The following PRKN variants were observed in gnomAD, a reference collection of about 807,000 sequenced individuals.
The protein encoded by PRKN is E3 ubiquitin-protein ligase parkin.
PRKN carries 56 observed loss-of-function variants against 59.5 expected under a neutral mutation model. The ratio of observed to expected loss-of-function variants is 0.94; its 90% CI spans 0.76 to 1.18. The LOEUF (loss-of-function observed/expected upper bound fraction) is 1.18, where lower values mean the gene tolerates loss of function less well. PRKN is among the 50% of genes most tolerant of loss of function. PRKN has a pLI of 0.00. For missense variants in PRKN, 657 were observed against 596.4 expected (o/e 1.10, Z -1.06); for synonymous variants, 250 against 222.1 (o/e 1.13, Z -1.12).
chr6:161,897,914 C>T (rs1323738708), intron 6 of PRKN, among the ~76,000 whole-genome samples: 3 of 125,204 alleles, frequency 2.4e-5, no homozygotes, highest in South Asian at 5.2e-4. Flanking sequence ...TTGCAGTGAG[C>T]TGAGATCGCG....
intron 3 of PRKN, among the ~76,000 whole-genome samples, chr6:162,241,012 C>T (rs575793154): frequency 1.8e-4 from 28 of 152,198 alleles, no homozygotes; most frequent in Non-Finnish European, 3.5e-4. Context: ...TACTCTAAAG[C>T]AGATTTGGAG....
chr6:162,658,735 G>A (rs1357397886), intron 1 of PRKN, among the ~76,000 whole-genome samples: 2 of 149,598 alleles, frequency 1.3e-5, no homozygotes, highest in Admixed American at 6.7e-5. Context: ...GAAATAGCCT[G>A]AAGATCTGAA....
intron 2 of PRKN, among the ~76,000 whole-genome samples, chr6:162,264,077 C>T (rs1174150055): frequency 6.6e-6 from 1 of 151,916 alleles, no homozygotes; most frequent in Non-Finnish European, 1.5e-5. Context: ...AGTTTGTGAC[C>T]AGCCAGGGCA....
intron 2 of PRKN, among the ~76,000 whole-genome samples, chr6:162,327,856 G>A (rs1437250368): frequency 2.6e-5 from 4 of 152,136 alleles, no homozygotes; most frequent in African/African-American, 9.7e-5. Context: ...GATGGGCCAA[G>A]GGAACACGAA....
chr6:162,347,094 A>T (rs1353399230), intron 2 of PRKN, among the ~76,000 whole-genome samples: 2 of 150,530 alleles, frequency 1.3e-5, no homozygotes, highest in African/African-American at 2.4e-5. Flanking sequence ...GCAAACTATT[A>T]TATTTATTAT....
chr6:161,978,699 A>C (rs1781145670), intron 5 of PRKN, among the ~76,000 whole-genome samples: 1 of 152,284 alleles, frequency 6.6e-6, no homozygotes, highest in South Asian at 2.1e-4. Flanking sequence ...CTGTGAGGTC[A>C]CTGGGGCATA....
intron 5 of PRKN, among the ~76,000 whole-genome samples, chr6:162,047,092 T>C (rs9365363): frequency 0.38 from 57,593 of 151,960 alleles, 11,742 homozygotes; most frequent in East Asian, 0.62. Context: ...CATTCAATCA[T>C]AATCTGAGTT....
At chr6:161,889,591 C>T (rs1203549520) in intron 6 of PRKN, among the ~76,000 whole-genome samples, 1 of 152,202 alleles carries the variant, frequency 6.6e-6, no homozygotes, top group Admixed American at 6.5e-5. Context: ...GACGACACAG[C>T]CACAGCTGCA....
rs1304184819 is a variant in PRKN, at chr6:161,402,492, G to A, written c.1084-15615C>T. ...CCTCTCTACTAATAAATAGCTTTTT[G>A]GTCCCATAACATGAGAGACATTCTG... On this transcript the variant is annotated intron_variant, in intron 9 of 11. Coordinates refer to ENST00000366898, the MANE Select transcript of PRKN (RefSeq NM_004562.3). This position sits in a 1 kb window ranked among gnomAD's most constrained non-coding sequence, Gnocchi z 4.5. Among the ~76,000 whole-genome samples the A allele has an allele frequency of 6.6e-6, 1 of 152,044 alleles. No individual in the cohort carries two copies. The highest frequency in any genetic ancestry group is 1.5e-5 in the Non-Finnish European group (1 of 68,014).
intron 1 of PRKN, among the ~76,000 whole-genome samples, chr6:162,704,496 G>T (rs187310932): frequency 1.2e-4 from 19 of 152,276 alleles, no homozygotes; most frequent in Non-Finnish European, 2.8e-4. Context: ...TCTATTAGGT[G>T]TACTTAAACT....
At chr6:162,611,124 C>T (rs984109636) in intron 1 of PRKN, among the ~76,000 whole-genome samples, 20 of 152,074 alleles carry the variant, frequency 1.3e-4, no homozygotes, top group African/African-American at 4.8e-4. Flanking sequence ...AGGAACTATA[C>T]AATTGCTTAA....
intron 1 of PRKN, among the ~76,000 whole-genome samples, chr6:162,582,150 A>T (rs1208524223): frequency 1.3e-5 from 2 of 152,214 alleles, no homozygotes; most frequent in African/African-American, 4.8e-5. Context: ...AGCATTTCAC[A>T]CATTACATAT....
In PRKN at chr6:162,650,403, C is replaced by T. The variant is rs1023106710; in HGVS notation, c.7+77259G>A. On this transcript the variant is annotated intron_variant, in intron 1 of 11. Transcript: ENST00000366898. ...ACGAGGTCAGGAGATCGAGACCATCCCGGCTAAAAACGGTGAAACCCCGTC... is the reference window on the plus strand; with the variant it reads ...ACGAGGTCAGGAGATCGAGACCATCTCGGCTAAAAACGGTGAAACCCCGTC... 4.6e-5 allele frequency among the ~76,000 whole-genome samples: 7 copies of T among 151,826 alleles called. No homozygotes were observed. The East Asian group carries it at 9.8e-4, about 21-fold the overall frequency.
chr6:162,379,425 G>A (rs916911962), intron 2 of PRKN, among the ~76,000 whole-genome samples: 2 of 152,134 alleles, frequency 1.3e-5, no homozygotes, highest in African/African-American at 4.8e-5. Context: ...GAGGAGATTA[G>A]AAGGGGTAAG....
intron 1 of PRKN, among the ~76,000 whole-genome samples, chr6:162,596,248 TTTTC>T (rs1295165699): frequency 1.3e-5 from 2 of 152,198 alleles, no homozygotes; most frequent in Non-Finnish European, 2.9e-5. Flanking sequence ...GTTTATCAAT[TTTTC>T]TTTTTCTTTT....
At chr6:162,413,706 AT>A (rs1788467829) in intron 2 of PRKN, among the ~76,000 whole-genome samples, 1 of 152,178 alleles carries the variant, frequency 6.6e-6, no homozygotes, top group African/African-American at 2.4e-5. Flanking sequence ...AAGTTTCAAC[AT>A]TTCCAGTCAT....
In PRKN at chr6:161,872,961, C is replaced by CTTTTT. The variant is rs112827816; in HGVS notation, c.735-87058_735-87054dup. Among the ~76,000 whole-genome samples the CTTTTT allele has an allele frequency of 4.0e-3, 558 of 139,580 alleles. 1 individual carries two copies. Among genetic ancestry groups the CTTTTT allele is most frequent in the Non-Finnish European group, 5.8e-3 (384 of 65,992 alleles). The allele number at this position is 139,580 out of a possible 152,430, so 91.6% of individuals were successfully genotyped here. The stretch of plus-strand genomic sequence containing the variant: ...ATGGCTGTAAGACATACAGTAATGA[C>CTTTTT]TTTTTTTTTTTTTCCAAAAAACCTA... On this transcript the variant is annotated intron_variant, in intron 6 of 11. Transcript: ENST00000366898.
intron 2 of PRKN, among the ~76,000 whole-genome samples, chr6:162,442,221 G>A (rs571763028): frequency 2.6e-5 from 4 of 152,094 alleles, no homozygotes; most frequent in Non-Finnish European, 5.9e-5. Context: ...CATAAATATC[G>A]TTACCCACAA....
At chr6:161,572,227 A>G (rs1780917908) in intron 7 of PRKN, among the ~76,000 whole-genome samples, 1 of 152,230 alleles carries the variant, frequency 6.6e-6, no homozygotes, top group African/African-American at 2.4e-5. Context: ...AAATGCTGGA[A>G]CATAGCTTTA....
Sources: gnomAD v4.1 joint callset for allele counts (sites outside exome capture counted in the v4.1 genomes callset) on GRCh38, gnomAD v4.1.1 for gene constraint, Gnocchi (gnomAD v3.1) non-coding constraint, MANE v1.5 for transcripts, NCBI Gene and HGNC (gene_info 2026-07-23, HGNC 2026-07-21) for gene names.